The following CLEC4F variants were observed in gnomAD, a reference collection of about 807,000 sequenced individuals.
The protein encoded by CLEC4F is C-type (calcium dependent, carbohydrate-recognition domain) lectin, superfamily member 13.
In CLEC4F, 45 loss-of-function variants were observed where a neutral mutation model predicts 53.4. The observed-to-expected ratio is 0.84, with a 90% CI of 0.66 to 1.08. CLEC4F has a LOEUF of 1.08. Among genes scored for constraint, CLEC4F ranks in the 50% least tolerant of loss-of-function variants. The pLI, the probability that CLEC4F is intolerant of heterozygous loss-of-function variation, is 0.00. For synonymous variants in CLEC4F, 245 were observed against 257.5 expected, an observed-to-expected ratio of 0.95 and a Z score of 0.46; for missense variants, 753 against 698.2, an observed-to-expected ratio of 1.08 and a Z score of -0.88.
At chr2:70,813,603 C>CTTTCTTTCT (rs1676714767) in intron 4 of CLEC4F, among the ~76,000 whole-genome samples, 1 of 108,708 alleles carries the variant, frequency 9.2e-6, no homozygotes, top group African/African-American at 4.2e-5. Flanking sequence ...CTTTCTCTTT[C>CTTTCTTTCT]TTTCTTTCTT....
intron 3 of CLEC4F, among the ~76,000 whole-genome samples, chr2:70,817,319 A>G (rs1303629978): frequency 1.3e-5 from 2 of 152,178 alleles, no homozygotes; most frequent in Non-Finnish European, 2.9e-5. Flanking sequence ...CAAAGATCTA[A>G]TTCACTGTTA....
At chr2:70,815,896 G>T in intron 4 of CLEC4F, 98 bp downstream of exon 4, 1 of 1,292,644 alleles carries the variant, frequency 7.7e-7, no homozygotes, top group Non-Finnish European at 1.1e-6. Context: ...TGGTCAAGGA[G>T]ATGCATGTTG....
rs781839933 is a variant in CLEC4F, at chr2:70,819,462, T to C, written c.179-18A>G. On this transcript the variant is annotated intron_variant, in intron 2 of 6. Transcript: ENST00000272367. ...CTGTTGAACTGAGACATTCCATTTT[T>C]CCAGGTCAGCAAATCCCCAGCCCTG... The C allele has an allele frequency of 1.2e-6, 2 of 1,611,522 alleles. No homozygotes were observed. The highest frequency in any genetic ancestry group is 1.1e-5 in the South Asian group (1 of 91,000).
At chr2:70,822,531 C>T (rs148660895), upstream of CLEC4F, among the ~76,000 whole-genome samples, 46 of 152,202 alleles carry the variant, frequency 3.0e-4, no homozygotes, top group Admixed American at 2.4e-3. Flanking sequence ...GCTGTGCAAA[C>T]GTGATGTCCC....
chr2:70,825,022 G>A (rs1205855123), upstream of CLEC4F, among the ~76,000 whole-genome samples: 2 of 152,204 alleles, frequency 1.3e-5, no homozygotes, highest in Non-Finnish European at 2.9e-5. Flanking sequence ...CACTACCCCA[G>A]CCTGGAGATC....
chr2:70,811,924 C>A (rs112536392), intron 5 of CLEC4F, among the ~76,000 whole-genome samples: 2,281 of 152,144 alleles, frequency 0.015, 57 homozygotes, highest in African/African-American at 0.052. Flanking sequence ...AAATACTCCC[C>A]AAAATTAGCC....
intron 4 of CLEC4F, among the ~76,000 whole-genome samples, chr2:70,813,474 C>T (rs537093221): frequency 1.1e-4 from 17 of 151,922 alleles, no homozygotes; most frequent in African/African-American, 3.9e-4. Flanking sequence ...GTTACTGGAG[C>T]TGAGTCTCTC....
At chr2:70,824,891 G>A (rs540281522), upstream of CLEC4F, among the ~76,000 whole-genome samples, 4 of 152,296 alleles carry the variant, frequency 2.6e-5, no homozygotes, top group Admixed American at 2.6e-4. Context: ...CCCATTCTGA[G>A]AAAAGTAGAG....
chr2:70,821,655 G>A (rs1409807152), upstream of CLEC4F, among the ~76,000 whole-genome samples: 1 of 152,204 alleles, frequency 6.6e-6, no homozygotes, highest in Admixed American at 6.5e-5. Context: ...AGGAAGTACA[G>A]TGTTTTTCTG....
chr2:70,813,639 C>CTTTCTTTG (rs1558612717), intron 4 of CLEC4F, among the ~76,000 whole-genome samples: 1 of 123,796 alleles, frequency 8.1e-6, no homozygotes, highest in African/African-American at 3.0e-5. Flanking sequence ...TTCTTTCTTT[C>CTTTCTTTG]TTTCGCTCTC....
chr2:70,809,964 C>A lies in CLEC4F; in HGVS notation c.1540-107G>T, dbSNP rs79792059. Reference sequence around the variant, plus strand: ...TATACACATAATTATATATGCATATCAAAAACTGTAAACAGAATTTTAAAA... The same window carrying A: ...TATACACATAATTATATATGCATATAAAAAACTGTAAACAGAATTTTAAAA... On this transcript the variant is annotated intron_variant, in intron 5 of 6. Transcript: ENST00000272367. The A allele has an allele frequency of 7.9e-3, 5,737 of 728,638 alleles. 216 individuals carry two copies. In the African/African-American group the frequency reaches 0.087, roughly 11 times the overall value. The allele number at this position is 728,638 out of a possible 1,614,324, so 45.1% of individuals were successfully genotyped here. A position where few individuals can be genotyped will look rare whatever the true frequency, so the allele number is the denominator to read the frequency against.
In CLEC4F at chr2:70,816,739, C is replaced by A. The variant is rs781810783; in HGVS notation, c.642G>T (p.Val214=). Residue 214 remains valine, a synonymous_variant, in exon 4 of 7, where the codon GTG becomes GTT. Transcript: ENST00000272367. ...SLENTSIELH[V]LSRGLENANS... ...TTGCATTTTCTAAGCCTCTGCTTAG[C>A]ACGTGGAGCTCAATGCTGGTGTTTT... 2 of 1,614,060 alleles carry A rather than the reference C, an allele frequency of 1.2e-6. No individual in the cohort carries two copies. The highest frequency in any genetic ancestry group is 2.7e-5 in the African/African-American group (2 of 74,930).
At position 70,820,446 on chromosome 2, in the gene CLEC4F, G is replaced by T; in HGVS notation, c.61+17C>A. The T allele has an allele frequency of 6.4e-7, 1 of 1,573,056 alleles. No individual in the cohort carries two copies. Among genetic ancestry groups the T allele is most frequent in the Non-Finnish European group, 8.6e-7 (1 of 1,157,182 alleles). ...TACTCCCTCACTGGGCAAGAGCTGG[G>T]GCCCCAGTTTTCTCACCTTGGGGGT... On this transcript the variant is annotated intron_variant, in intron 1 of 6. Coordinates refer to ENST00000272367, the MANE Select transcript of CLEC4F (RefSeq NM_173535.3).
At chr2:70,814,386 G>A (rs1406241409) in intron 4 of CLEC4F, among the ~76,000 whole-genome samples, 14 of 152,104 alleles carry the variant, frequency 9.2e-5, no homozygotes, top group African/African-American at 3.4e-4. Flanking sequence ...GTAAGAGATG[G>A]GTATAAATCA....
At chr2:70,813,484 C>G (rs1553394812) in intron 4 of CLEC4F, among the ~76,000 whole-genome samples, 1 of 148,582 alleles carries the variant, frequency 6.7e-6, no homozygotes, top group African/African-American at 2.6e-5. Context: ...CTGAGTCTCT[C>G]TTTCTTTCTT....
chr2:70,819,202 A>C (rs1197233660), intron 3 of CLEC4F, among the ~76,000 whole-genome samples, 153 bp downstream of exon 3: 33 of 152,178 alleles, frequency 2.2e-4, no homozygotes, highest in Non-Finnish European at 3.5e-4. Flanking sequence ...TTAGACCTCA[A>C]TAAAACTGTG....
intron 1 of CLEC4F, 126 bp from the exon 2 acceptor site, chr2:70,820,017 G>T: frequency 1.6e-6 from 1 of 613,984 alleles, no homozygotes; most frequent in Non-Finnish European, 2.8e-6. Flanking sequence ...GATAACTCCT[G>T]CCATGCTTAT....
chr2:70,818,374 A>G (rs977073634), intron 3 of CLEC4F, among the ~76,000 whole-genome samples: 24 of 152,352 alleles, frequency 1.6e-4, no homozygotes, highest in Middle Eastern at 6.8e-3. Context: ...ATTTCACACC[A>G]TTATACAATA....
chr2:70,813,557 T>TTCTTTCTTTC lies in CLEC4F; in HGVS notation c.1388-969_1388-960dup, dbSNP rs1558612383. Among the ~76,000 whole-genome samples, 151 of 147,748 alleles carry TTCTTTCTTTC rather than the reference T, an allele frequency of 1.0e-3. 1 individual carries two copies. In the East Asian group the frequency reaches 0.024, roughly 24 times the overall value. ...TTTCTTTTTTTCTTTCTTTCTTTTT[T>TTCTTTCTTTC]TCTTTCTTTCTCTTTCTTTTTCTTT... On this transcript the variant is annotated intron_variant, in intron 4 of 6. Coordinates refer to ENST00000272367, the MANE Select transcript of CLEC4F (RefSeq NM_173535.3).
Sources: gnomAD v4.1 joint callset for allele counts (sites outside exome capture counted in the v4.1 genomes callset) on GRCh38, gnomAD v4.1.1 for gene constraint, MANE v1.5 for transcripts, NCBI Gene and HGNC (gene_info 2026-07-23, HGNC 2026-07-21) for gene names.